The following HSPA4 variants were observed in gnomAD, a reference collection of about 807,000 sequenced individuals.
The protein encoded by HSPA4 is heat shock protein family A (Hsp70) member 4, also known as heat shock 70 kDa protein 4.
Under a neutral mutation model 106.2 loss-of-function variants are expected in HSPA4, and 25 were observed. The observed-to-expected ratio is 0.24, with a 90% CI of 0.17 to 0.33. HSPA4 has a LOEUF of 0.33. Ranked by LOEUF, HSPA4 falls within the 10% of genes least tolerant of loss-of-function variation. HSPA4 has a pLI of 1.00. For missense variants in HSPA4, 841 were observed against 996.0 expected (o/e 0.84, Z 2.10); for synonymous variants, 332 against 333.6 (o/e 1.00, Z 0.05).
At chr5:133,073,695 A>G (rs1250923401) in intron 5 of HSPA4, among the ~76,000 whole-genome samples, 1 of 152,218 alleles carries the variant, frequency 6.6e-6, no homozygotes, top group Non-Finnish European at 1.5e-5. Context: ...GGATGTTAAC[A>G]TAGCATAGGG....
At chr5:133,071,529 A>G (rs185784790) in intron 4 of HSPA4, among the ~76,000 whole-genome samples, 28 of 152,296 alleles carry the variant, frequency 1.8e-4, no homozygotes, top group Admixed American at 1.4e-3. Flanking sequence ...AAGCCTGGCT[A>G]CTGTAGTTTT....
chr5:133,052,338 T>C lies in HSPA4; in HGVS notation c.88T>C (p.Tyr30His). 1 of 1,568,462 alleles carries C rather than the reference T, an allele frequency of 6.4e-7. No individual in the cohort carries two copies. Among genetic ancestry groups the C allele is most frequent in the Non-Finnish European group, 8.6e-7 (1 of 1,159,260 alleles). Residue 30 changes from tyrosine (Y) to histidine (H), a missense_variant, in exon 1 of 19, where the codon TAT (tyrosine) becomes CAT (histidine). Tyr to His is a moderately conservative substitution (Grantham distance 83, BLOSUM62 2). Coordinates refer to ENST00000304858, the MANE Select transcript of HSPA4 (RefSeq NM_002154.4). ...CGGCATCGAGACTATCGCTAATGAGTATAGCGACCGCTGCACGCCGTAAGT... is the reference window on the plus strand; with the variant it reads ...CGGCATCGAGACTATCGCTAATGAGCATAGCGACCGCTGCACGCCGTAAGT... The part of the protein sequence containing the change: ...AGGIETIANE[Y>H]SDRCTPACIS...
intron 2 of HSPA4, among the ~76,000 whole-genome samples, chr5:133,066,062 A>T (rs555205217): frequency 6.6e-6 from 1 of 152,346 alleles, no homozygotes; most frequent in Non-Finnish European, 1.5e-5. Flanking sequence ...GACAGCAGGT[A>T]GAAAATATTG....
chr5:133,098,025 G>A (rs1453359114), intron 15 of HSPA4, among the ~76,000 whole-genome samples: 2 of 151,536 alleles, frequency 1.3e-5, no homozygotes, highest in African/African-American at 2.4e-5. Context: ...TCCACGTCCT[G>A]TACATCATAC....
intron 8 of HSPA4, 55 bp from the exon 9 acceptor site, chr5:133,088,349 G>A: frequency 7.9e-7 from 1 of 1,260,936 alleles, no homozygotes; most frequent in Non-Finnish European, 1.1e-6. Context: ...ATCATGGTAA[G>A]ATGTTATTGT....
intron 8 of HSPA4, 127 bp downstream of exon 8, chr5:133,086,985 A>T: frequency 1.5e-6 from 1 of 656,128 alleles, no homozygotes; most frequent in Non-Finnish European, 2.6e-6. Context: ...GGTATATATT[A>T]AACTTTTTTT....
intron 11 of HSPA4, among the ~76,000 whole-genome samples, chr5:133,090,915 T>C (rs909054243): frequency 5.9e-5 from 9 of 151,934 alleles, no homozygotes; most frequent in African/African-American, 2.2e-4. Flanking sequence ...GAAAGTAGCA[T>C]ATAAAGATAA....
intron 13 of HSPA4, among the ~76,000 whole-genome samples, chr5:133,094,806 G>A (rs1481481917): frequency 6.6e-6 from 1 of 152,178 alleles, no homozygotes; most frequent in Non-Finnish European, 1.5e-5. Flanking sequence ...GTTATAGGAG[G>A]TGGGAAATGA....
intron 16 of HSPA4, among the ~76,000 whole-genome samples, chr5:133,100,850 G>C (rs1215037392): frequency 1.3e-5 from 2 of 152,124 alleles, no homozygotes; most frequent in African/African-American, 4.8e-5. Flanking sequence ...CTGTCAGTCG[G>C]GCTGGAGTTC....
intron 6 of HSPA4, chr5:133,075,942 GCT>G (rs1332570314): frequency 6.6e-6 from 1 of 152,120 alleles, no homozygotes; most frequent in African/African-American, 2.4e-5. Context: ...ACTATATTTA[GCT>G]CTGTGTCCTG....
At chr5:133,069,575 A>G (rs1252895933) in intron 3 of HSPA4, among the ~76,000 whole-genome samples, 5 of 152,176 alleles carry the variant, frequency 3.3e-5, no homozygotes, top group Admixed American at 3.3e-4. Flanking sequence ...TAATTCAACC[A>G]GTATATATTG....
At chr5:133,102,752 G>A (rs1482231012) in intron 17 of HSPA4, among the ~76,000 whole-genome samples, 9 of 151,844 alleles carry the variant, frequency 5.9e-5, no homozygotes, top group Admixed American at 5.9e-4. Flanking sequence ...TTGTTTTTGT[G>A]TTTTGACAAG....
chr5:133,055,994 C>T (rs1006246348), intron 1 of HSPA4, among the ~76,000 whole-genome samples: 5 of 152,170 alleles, frequency 3.3e-5, no homozygotes, highest in Non-Finnish European at 5.9e-5. Flanking sequence ...AGAAGAATCG[C>T]TTGAACCTGG....
intron 7 of HSPA4, among the ~76,000 whole-genome samples, chr5:133,081,861 TCAAAAA>T (rs1049625501): frequency 7.2e-5 from 11 of 152,076 alleles, no homozygotes; most frequent in African/African-American, 2.7e-4. Flanking sequence ...GGAAAGCCTC[TCAAAAA>T]CAAAACCAAA....
At chr5:133,064,442 G>A (rs1404690148) in intron 1 of HSPA4, among the ~76,000 whole-genome samples, 1 of 152,106 alleles carries the variant, frequency 6.6e-6, no homozygotes, top group Non-Finnish European at 1.5e-5. Flanking sequence ...GGAGGCGGAG[G>A]TTGCAGTGAG....
At chr5:133,064,560 T>G (rs1765285176) in intron 1 of HSPA4, among the ~76,000 whole-genome samples, 2 of 152,234 alleles carry the variant, frequency 1.3e-5, no homozygotes, top group Admixed American at 6.5e-5. Flanking sequence ...CTTTTTTACT[T>G]ATTTAATAGG....
At chr5:133,086,578 A>G (rs2126709464) in intron 7 of HSPA4, among the ~76,000 whole-genome samples, 1 of 152,292 alleles carries the variant, frequency 6.6e-6, no homozygotes. Context: ...TAACTCTCTA[A>G]CGTCTTGAGG....
At chr5:133,057,260 A>G (rs1446293728) in intron 1 of HSPA4, among the ~76,000 whole-genome samples, 1 of 152,066 alleles carries the variant, frequency 6.6e-6, no homozygotes, top group Non-Finnish European at 1.5e-5. Flanking sequence ...GTGATAGTCT[A>G]ATTATTGCGG....
chr5:133,104,581 A>G lies in HSPA4; in HGVS notation c.*145A>G. On this transcript the variant is annotated 3_prime_UTR_variant, in exon 19 of 19. Coordinates refer to ENST00000304858, the MANE Select transcript of HSPA4 (RefSeq NM_002154.4). ...TTCGGGGAGGGGAAATAGGTAATGT[A>G]TGGAGCATTTTCACTTCTAAATAGT... is the stretch of plus-strand genomic sequence containing the variant. 3 of 664,054 alleles carry G rather than the reference A, an allele frequency of 4.5e-6. No individual in the cohort carries two copies. Among genetic ancestry groups the G allele is most frequent in the South Asian group, 3.9e-5 (2 of 51,506 alleles). The allele number at this position is 664,054 out of a possible 1,614,324, so 41.1% of individuals were successfully genotyped here. A position where few individuals can be genotyped will look rare whatever the true frequency, so the allele number is the denominator to read the frequency against.
Sources: gnomAD v4.1 joint callset for allele counts (sites outside exome capture counted in the v4.1 genomes callset) on GRCh38, gnomAD v4.1.1 for gene constraint, MANE v1.5 for transcripts, NCBI Gene and HGNC (gene_info 2026-07-23, HGNC 2026-07-21) for gene names.